HRH4: variants seen among roughly 807,000 people sequenced by gnomAD.
HRH4 encodes histamine receptor H4.
In HRH4, 12 loss-of-function variants were observed where a neutral mutation model predicts 10.4. The ratio of observed to expected loss-of-function variants is 1.15; its 90% confidence interval spans 0.74 to 1.87. The LOEUF is 1.87. Ranked by LOEUF, HRH4 falls within the 40% of genes most tolerant of loss-of-function variation. HRH4 has a pLI of 0.00. For missense variants in HRH4, 415 were observed against 453.3 expected, an observed-to-expected ratio of 0.92 and a Z score of 0.77; for synonymous variants, 154 against 166.6, an observed-to-expected ratio of 0.92 and a Z score of 0.58.
chr18:24,479,451 A>C lies in HRH4; in HGVS notation c.*1889A>C, dbSNP rs1225598956. The C allele has an allele frequency of 1.3e-5, 2 of 152,104 alleles. No individual in the cohort carries two copies. Among genetic ancestry groups the C allele is most frequent in the Non-Finnish European group, 2.9e-5 (2 of 68,032 alleles). The allele number at this position is 152,104 out of a possible 1,614,324, so 9.4% of individuals were successfully genotyped here. A position where few individuals can be genotyped will look rare whatever the true frequency, so the allele number is the denominator to read the frequency against. Reference sequence around the variant, plus strand: ...TAGTTTGGTTATGTTTTGTCCTTTTAAAACATTTTCTTTTGAGATGGGGGT... The same window carrying C: ...TAGTTTGGTTATGTTTTGTCCTTTTCAAACATTTTCTTTTGAGATGGGGGT... On this transcript the variant is annotated 3_prime_UTR_variant, in exon 3 of 3. Transcript: ENST00000256906.
chr18:24,477,650 C>A lies in HRH4; in HGVS notation c.*88C>A. The A allele has an allele frequency of 2.4e-6, 2 of 836,030 alleles. No individual in the cohort carries two copies. The highest frequency in any genetic ancestry group is 3.7e-6 in the Non-Finnish European group (2 of 545,490). The allele number at this position is 836,030 out of a possible 1,614,324, so 51.8% of individuals were successfully genotyped here. A position where few individuals can be genotyped will look rare whatever the true frequency, so the allele number is the denominator to read the frequency against. ...CTTTATCTTGCCCTTTTCATTCTAC[C>A]AACAGATCTGCACTTTGAAGTCAAT... On this transcript the variant is annotated 3_prime_UTR_variant, in exon 3 of 3. Transcript: ENST00000256906.
intron 2 of HRH4, among the ~76,000 whole-genome samples, chr18:24,472,134 C>G (rs1342615091): frequency 6.6e-6 from 1 of 152,140 alleles, no homozygotes; most frequent in South Asian, 2.1e-4. Context: ...CAAACTCCCC[C>G]TCCCGGGTTC....
At chr18:24,468,644 A>G in intron 1 of HRH4, 144 bp from the exon 2 acceptor site, 1 of 788,142 alleles carries the variant, frequency 1.3e-6, no homozygotes, top group South Asian at 2.0e-5. Context: ...GAGCTGCTTG[A>G]TGAAATACCG....
chr18:24,476,133 A>G (rs1910126026), intron 2 of HRH4, among the ~76,000 whole-genome samples: 2 of 152,304 alleles, frequency 1.3e-5, no homozygotes, highest in Non-Finnish European at 2.9e-5. Context: ...CACAGAGTAG[A>G]TTCTTTCTGT....
chr18:24,464,168 G>T (rs921275592), intron 1 of HRH4, among the ~76,000 whole-genome samples: 1 of 152,154 alleles, frequency 6.6e-6, no homozygotes, highest in African/African-American at 2.4e-5. Context: ...TAGACTGGGT[G>T]GCTTAAACAA....
chr18:24,463,646 C>T (rs1431408007), intron 1 of HRH4, among the ~76,000 whole-genome samples: 1 of 152,128 alleles, frequency 6.6e-6, no homozygotes, highest in African/African-American at 2.4e-5. Context: ...CAGATTAGAC[C>T]CTCACATGTG....
chr18:24,477,565 A>G lies in HRH4; in HGVS notation c.*3A>G, dbSNP rs775238085. 5.8e-6 allele frequency: 9 copies of G among 1,545,434 alleles called. No homozygotes were observed. Among genetic ancestry groups the G allele is most frequent in the Non-Finnish European group, 7.8e-6 (9 of 1,148,364 alleles). ...ACAGTCGGTCAGTATCTTCTTAAAG[A>G]CAATTTTCTCACCTCTGTAAATTTT... On this transcript the variant is annotated 3_prime_UTR_variant, in exon 3 of 3. Coordinates refer to ENST00000256906, the MANE Select transcript of HRH4 (RefSeq NM_021624.4).
At chr18:24,466,155 C>T (rs955919309) in intron 1 of HRH4, among the ~76,000 whole-genome samples, 4 of 151,822 alleles carry the variant, frequency 2.6e-5, no homozygotes, top group African/African-American at 9.7e-5. Context: ...CTCTGTTGCC[C>T]AGGCTGGAGT....
chr18:24,468,485 T>G (rs1291869284), intron 1 of HRH4, among the ~76,000 whole-genome samples: 1 of 152,228 alleles, frequency 6.6e-6, no homozygotes, highest in East Asian at 1.9e-4. Context: ...ACATGTCCAG[T>G]ACAGATGCAG....
chr18:24,463,710 C>G (rs1483620682), intron 1 of HRH4, among the ~76,000 whole-genome samples: 1 of 152,176 alleles, frequency 6.6e-6, no homozygotes, highest in African/African-American at 2.4e-5. Context: ...GGTTTCAGAA[C>G]TGGCCCTCTG....
chr18:24,470,658 C>G (rs1329876408), intron 2 of HRH4, among the ~76,000 whole-genome samples: 1 of 151,472 alleles, frequency 6.6e-6, no homozygotes, highest in Non-Finnish European at 1.5e-5. Flanking sequence ...CGCATGCCAC[C>G]ATGCCTGGCT....
intron 1 of HRH4, among the ~76,000 whole-genome samples, chr18:24,466,140 T>G (rs1909768542): frequency 6.6e-6 from 1 of 151,786 alleles, no homozygotes; most frequent in Non-Finnish European, 1.5e-5. Flanking sequence ...TGAGGCAGGG[T>G]CTCACTCTGT....
chr18:24,461,375 A>G (rs941506811), intron 1 of HRH4, among the ~76,000 whole-genome samples: 2 of 152,182 alleles, frequency 1.3e-5, no homozygotes, highest in Non-Finnish European at 2.9e-5. Flanking sequence ...AATATGATTA[A>G]TAGTATTAAT....
chr18:24,476,686 A>G, intron 2 of HRH4, 61 bp from the exon 3 acceptor site: 2 of 1,246,392 alleles, frequency 1.6e-6, no homozygotes, highest in East Asian at 2.3e-5. Context: ...AGGATCTATG[A>G]GATACTTTAT....
intron 1 of HRH4, among the ~76,000 whole-genome samples, chr18:24,464,324 G>A (rs542373641): frequency 1.3e-5 from 2 of 152,244 alleles, no homozygotes; most frequent in Admixed American, 6.5e-5. Context: ...CTCTGAGTGC[G>A]CACAGAGAGA....
chr18:24,464,287 G>C (rs1031966783), intron 1 of HRH4, among the ~76,000 whole-genome samples: 1 of 152,180 alleles, frequency 6.6e-6, no homozygotes, highest in Non-Finnish European at 1.5e-5. Context: ...GACGGCTGCC[G>C]TCTACCTGCG....
rs534990523 is a variant in HRH4, at chr18:24,476,030, C to T, written c.358-717C>T. On this transcript the variant is annotated intron_variant, in intron 2 of 2. Transcript: ENST00000256906. Reference sequence around the variant, plus strand: ...TCAAACAAATAAAATAAAATAAAAACTAAAAAAAAAGTCTTTTTGTCTGTG... The same window carrying T: ...TCAAACAAATAAAATAAAATAAAAATTAAAAAAAAAGTCTTTTTGTCTGTG... 2.6e-5 allele frequency among the ~76,000 whole-genome samples: 4 copies of T among 151,860 alleles called. No homozygotes were observed. The East Asian group carries it at 7.7e-4, about 29-fold the overall frequency.
chr18:24,472,026 T>C (rs1280575567), intron 2 of HRH4, among the ~76,000 whole-genome samples: 1 of 152,052 alleles, frequency 6.6e-6, no homozygotes, highest in African/African-American at 2.4e-5. Context: ...ACTTTCTTTT[T>C]GTTTTTTTGC....
chr18:24,463,844 T>G (rs978090472), intron 1 of HRH4, among the ~76,000 whole-genome samples: 2 of 152,198 alleles, frequency 1.3e-5, no homozygotes, highest in African/African-American at 2.4e-5. Context: ...TAAATACACC[T>G]CATCTGTATA....
Sources: allele counts gnomAD v4.1 joint callset (sites outside exome capture counted in the v4.1 genomes callset), GRCh38; gene constraint gnomAD v4.1.1; transcripts MANE v1.5; gene names NCBI Gene and HGNC (gene_info 2026-07-23, HGNC 2026-07-21).